HPGDS: variants seen among roughly 807,000 people sequenced by gnomAD.
The protein encoded by HPGDS is GST class-sigma.
HPGDS carries 26 observed loss-of-function variants against 23.1 expected under a neutral mutation model. The observed-to-expected ratio is 1.13, with a 90% CI of 0.83 to 1.56. The LOEUF (loss-of-function observed/expected upper bound fraction) is 1.56. HPGDS is among the 40% of genes most tolerant of loss of function. The pLI, the probability that HPGDS is intolerant of heterozygous loss-of-function variation, is 0.00. For synonymous variants in HPGDS, 95 were observed against 77.9 expected, an observed-to-expected ratio of 1.22 and a Z score of -1.16; for missense variants, 268 against 236.4, an observed-to-expected ratio of 1.13 and a Z score of -0.88.
chr4:94,340,357 G>A (rs1308097520), intron 1 of HPGDS, among the ~76,000 whole-genome samples: 1 of 17,448 alleles, frequency 5.7e-5, no homozygotes, highest in Non-Finnish European at 1.6e-4. Flanking sequence ...TTTTTTTTTT[G>A]AGACGGAGTC....
Position 94,317,298 on chromosome 4 carries a change from G to A in HPGDS, c.226+575C>T, listed in dbSNP as rs534413962. ...ACAATGGAGCATAGGATGGGAGAAA[G>A]TGTGTCAGGTAAAAACAAGAACAGT... On this transcript the variant is annotated intron_variant, in intron 3 of 5. Coordinates refer to ENST00000295256, the MANE Select transcript of HPGDS (RefSeq NM_014485.3). Among the ~76,000 whole-genome samples the A allele has an allele frequency of 3.1e-4, 47 of 152,274 alleles. No individual in the cohort carries two copies. In the South Asian group the frequency reaches 9.3e-3, roughly 30 times the overall value.
At chr4:94,340,075 C>A (rs1228928624) in intron 1 of HPGDS, among the ~76,000 whole-genome samples, 1 of 151,894 alleles carries the variant, frequency 6.6e-6, no homozygotes, top group Non-Finnish European at 1.5e-5. Flanking sequence ...CCTCAGTCTC[C>A]CAAGTAGCTA....
chr4:94,299,434 G>A lies in HPGDS; in HGVS notation c.*46C>T. On this transcript the variant is annotated 3_prime_UTR_variant, in exon 6 of 6. Coordinates refer to ENST00000295256, the MANE Select transcript of HPGDS (RefSeq NM_014485.3). Reference sequence around the variant, plus strand: ...CTGATGTAGCTGTCTTATCTGATGAGAGAGATGCCCCCGAGAAAAACAAAC... The same window carrying A: ...CTGATGTAGCTGTCTTATCTGATGAAAGAGATGCCCCCGAGAAAAACAAAC... 1.9e-6 allele frequency: 3 copies of A among 1,549,206 alleles called. No individual in the cohort carries two copies. The highest frequency in any genetic ancestry group is 1.4e-5 in the African/African-American group (1 of 73,076).
chr4:94,312,769 C>G (rs937835992), intron 3 of HPGDS, among the ~76,000 whole-genome samples: 22 of 151,978 alleles, frequency 1.4e-4, no homozygotes, highest in Admixed American at 6.6e-4. Context: ...GTATGGGAAT[C>G]TCAGTCTCTT....
intron 4 of HPGDS, among the ~76,000 whole-genome samples, chr4:94,305,587 C>CT (rs531873810): frequency 6.2e-4 from 94 of 152,102 alleles, no homozygotes; most frequent in Non-Finnish European, 1.2e-3. Context: ...TAGGCTTTAG[C>CT]TTTAACATGT....
intron 4 of HPGDS, among the ~76,000 whole-genome samples, chr4:94,307,957 T>C (rs1248812174): frequency 1.3e-5 from 2 of 152,112 alleles, no homozygotes; most frequent in Non-Finnish European, 2.9e-5. Flanking sequence ...GATGACTATG[T>C]AAGAGAAAAA....
chr4:94,330,195 A>G (rs770057769), intron 2 of HPGDS, among the ~76,000 whole-genome samples: 1 of 152,232 alleles, frequency 6.6e-6, no homozygotes, highest in Non-Finnish European at 1.5e-5. Context: ...TGATTGTAAA[A>G]TTGTAAATCA....
Position 94,302,165 on chromosome 4 carries a change from T to G in HPGDS, c.416A>C (p.Glu139Ala). 1 of 1,610,838 alleles carries G rather than the reference T, an allele frequency of 6.2e-7. No homozygotes were observed. Among genetic ancestry groups the G allele is most frequent in the Non-Finnish European group, 8.5e-7 (1 of 1,177,430 alleles). The change falls in exon 5 of 6, where the codon GAA (glutamate) becomes GCA (alanine). Residue 139 changes from glutamate to alanine, a missense_variant. Physicochemically the swap from Glu to Ala is moderately radical, Grantham distance 107 (BLOSUM62 -1). Coordinates refer to ENST00000295256, the MANE Select transcript of HPGDS (RefSeq NM_014485.3). ...QDLDTYLGGR[E>A]WLIGNSVTWA... Reference sequence around the variant, plus strand: ...ACTCACAGAGTTACCAATAAGCCATTCTCTCCCCCCTAAATATGTGTCCAA... The same window carrying G: ...ACTCACAGAGTTACCAATAAGCCATGCTCTCCCCCCTAAATATGTGTCCAA...
intron 3 of HPGDS, among the ~76,000 whole-genome samples, chr4:94,310,475 G>A (rs977433131): frequency 3.3e-5 from 5 of 152,142 alleles, no homozygotes; most frequent in African/African-American, 7.2e-5. Flanking sequence ...GCTCTGTTCT[G>A]TTCCACTGGT....
At chr4:94,338,993 A>G (rs1052070955) in intron 1 of HPGDS, among the ~76,000 whole-genome samples, 29 of 152,356 alleles carry the variant, frequency 1.9e-4, no homozygotes, top group African/African-American at 6.5e-4. Context: ...GTAATGCGGT[A>G]TTTGCTCAGA....
At chr4:94,320,039 G>T (rs1756472219) in intron 2 of HPGDS, among the ~76,000 whole-genome samples, 1 of 152,102 alleles carries the variant, frequency 6.6e-6, no homozygotes. Context: ...GAGATAGTTT[G>T]CTCAGAATGA....
At chr4:94,342,139 ATT>A (rs535659161) in intron 1 of HPGDS, among the ~76,000 whole-genome samples, 1,901 of 144,898 alleles carry the variant, frequency 0.013, 47 homozygotes, top group African/African-American at 0.044. Context: ...TGAAAGCTCT[ATT>A]TTTTTTTTTT....
intron 1 of HPGDS, among the ~76,000 whole-genome samples, chr4:94,335,125 T>C (rs1377325519): frequency 6.6e-6 from 1 of 152,196 alleles, no homozygotes; most frequent in Non-Finnish European, 1.5e-5. Context: ...CATGCCAACC[T>C]GTCTTTGCCT....
At chr4:94,312,296 A>G (rs898425459) in intron 3 of HPGDS, among the ~76,000 whole-genome samples, 3 of 152,144 alleles carry the variant, frequency 2.0e-5, no homozygotes, top group South Asian at 2.1e-4. Context: ...ATTTCCCTCT[A>G]CACACTACTT....
At chr4:94,332,112 G>A (rs2865352) in intron 2 of HPGDS, among the ~76,000 whole-genome samples, 68,665 of 151,872 alleles carry the variant, frequency 0.45, 15,786 homozygotes, top group African/African-American at 0.54. Flanking sequence ...AAGCGGCCCA[G>A]CTGGAGAGAG....
At chr4:94,332,823 GTTTA>G (rs1374161573) in intron 2 of HPGDS, among the ~76,000 whole-genome samples, 1 of 152,124 alleles carries the variant, frequency 6.6e-6, no homozygotes, top group African/African-American at 2.4e-5. Flanking sequence ...GCTCCTCAAG[GTTTA>G]TGTTTGAACT....
Position 94,312,566 on chromosome 4 carries a change from G to T in HPGDS, c.227-3823C>A, listed in dbSNP as rs1385502256. Among the ~76,000 whole-genome samples the T allele has an allele frequency of 2.6e-5, 4 of 152,156 alleles. No homozygotes were observed. The East Asian group carries it at 7.7e-4, about 29-fold the overall frequency. ...GGAGTGCTTTACTTCCAACTATGTGGTCAACTTTGGAGTAAGTGTGGTGTG... is the reference window on the plus strand; with the variant it reads ...GGAGTGCTTTACTTCCAACTATGTGTTCAACTTTGGAGTAAGTGTGGTGTG... On this transcript the variant is annotated intron_variant, in intron 3 of 5. Coordinates refer to ENST00000295256, the MANE Select transcript of HPGDS (RefSeq NM_014485.3).
At chr4:94,332,375 G>A (rs1008753359) in intron 2 of HPGDS, among the ~76,000 whole-genome samples, 3 of 152,222 alleles carry the variant, frequency 2.0e-5, no homozygotes, top group Non-Finnish European at 2.9e-5. Flanking sequence ...AAAGGCTGTC[G>A]CACTGGCCTT....
intron 3 of HPGDS, 29 bp from the exon 4 acceptor site, chr4:94,308,772 T>C (rs1455111719): frequency 3.4e-6 from 4 of 1,178,564 alleles, no homozygotes; most frequent in Admixed American, 1.8e-5. Context: ...CCCATCAATA[T>C]GTTTAATTTA....
Sources: gnomAD v4.1 joint callset for allele counts (sites outside exome capture counted in the v4.1 genomes callset) on GRCh38, gnomAD v4.1.1 for gene constraint, MANE v1.5 for transcripts, NCBI Gene and HGNC (gene_info 2026-07-23, HGNC 2026-07-21) for gene names.